The following PXMP2 variants were observed in gnomAD, a reference collection of about 807,000 sequenced individuals.
The protein encoded by PXMP2 is 22 kDa peroxisomal membrane protein.
Under a neutral mutation model 20.2 loss-of-function variants are expected in PXMP2, and 13 were observed. That is an observed-to-expected ratio of 0.64 (90% confidence interval 0.42 to 1.02). The LOEUF (loss-of-function observed/expected upper bound fraction) is 1.02, where lower values mean the gene tolerates loss of function less well. Among genes scored for constraint, PXMP2 ranks in the 50% least tolerant of loss-of-function variants. The pLI is 0.00. For missense variants in PXMP2, 284 were observed against 251.8 expected, an observed-to-expected ratio of 1.13 and a Z score of -0.87; for synonymous variants, 113 against 111.2, an observed-to-expected ratio of 1.02 and a Z score of -0.10.
At chr12:132,691,242 G>A (rs10870486) in intron 2 of PXMP2, among the ~76,000 whole-genome samples, 47,174 of 151,574 alleles carry the variant, frequency 0.31, 8,622 homozygotes, top group Non-Finnish European at 0.41. Context: ...TAGTAGAGAC[G>A]GGGTTTCACC....
Position 132,688,132 on chromosome 12 carries a change from G to A in PXMP2, c.122+340G>A, listed in dbSNP as rs1312658082. On this transcript the variant is annotated intron_variant, in intron 1 of 4. Transcript: ENST00000317479. ...GAGCGGGTCCGCAGGCGCGGGTGAA[G>A]ACAGGGCGAGGGGAGCGGGTCTGCG... is the stretch of plus-strand genomic sequence containing the variant. 3 of 190,948 alleles carry A rather than the reference G, an allele frequency of 1.6e-5. No individual in the cohort carries two copies. In the Admixed American group the frequency reaches 2.0e-4, roughly 13 times the overall value. The allele number at this position is 190,948 out of a possible 1,614,324, so 11.8% of individuals were successfully genotyped here. A position where few individuals can be genotyped will look rare whatever the true frequency, so the allele number is the denominator to read the frequency against.
At chr12:132,697,413 A>ATTTT (rs1555232408) in intron 3 of PXMP2, among the ~76,000 whole-genome samples, 24 of 149,882 alleles carry the variant, frequency 1.6e-4, no homozygotes, top group Non-Finnish European at 2.8e-4. Flanking sequence ...TTATTTATTT[A>ATTTT]TTTTTTATTT....
chr12:132,698,067 A>G (rs182200951), intron 3 of PXMP2, among the ~76,000 whole-genome samples: 1 of 144,792 alleles, frequency 6.9e-6, no homozygotes, highest in East Asian at 2.1e-4. Flanking sequence ...GCTGGAGTGT[A>G]GTGCGTGATC....
chr12:132,698,960 T>G (rs2043424525), intron 3 of PXMP2, among the ~76,000 whole-genome samples: 1 of 152,202 alleles, frequency 6.6e-6, no homozygotes, highest in Non-Finnish European at 1.5e-5. Flanking sequence ...CTTTAAAAAT[T>G]TTTTTTAGTT....
intron 1 of PXMP2, 94 bp downstream of exon 1, chr12:132,687,886 T>A: frequency 9.5e-7 from 1 of 1,056,742 alleles, no homozygotes; most frequent in Non-Finnish European, 1.2e-6. Context: ...GGGACCAGGC[T>A]GGGGGCGCGC....
At position 132,696,089 on chromosome 12, in the gene PXMP2, A is replaced by G. The variant is rs2043408895; in HGVS notation, c.399+43A>G. The stretch of plus-strand genomic sequence containing the variant: ...CACTTACTGCAGCTCTTCGTTTAGC[A>G]CAGGGATTCTTCACCTGACATTCTC... On this transcript the variant is annotated intron_variant, in intron 3 of 4. Coordinates refer to ENST00000317479, the MANE Select transcript of PXMP2 (RefSeq NM_018663.3). The surrounding 1 kb of genome is among the most constrained non-coding windows in gnomAD (Gnocchi z 4.4). 6 of 1,528,372 alleles carry G rather than the reference A, an allele frequency of 3.9e-6. No individual in the cohort carries two copies. The East Asian group carries it at 1.4e-4, about 35-fold the overall frequency. 94.7% of individuals were successfully genotyped at this position (1,528,372 alleles called of 1,614,324 possible). A position where few individuals can be genotyped will look rare whatever the true frequency, so the allele number is the denominator to read the frequency against.
At chr12:132,694,581 TAGTTAGTGAGCTCCCTTAGCC>T (rs1349050228) in intron 2 of PXMP2, among the ~76,000 whole-genome samples, 1 of 108,390 alleles carries the variant, frequency 9.2e-6, no homozygotes, top group African/African-American at 3.5e-5. Context: ...CCTTGCCAGT[TAGTTAGTGAGCTCCCTTAGCC>T]AGTTAGTGAG....
At chr12:132,692,508 TAGTG>T (rs2043375823) in intron 2 of PXMP2, among the ~76,000 whole-genome samples, 1 of 111,140 alleles carries the variant, frequency 9.0e-6, no homozygotes, top group South Asian at 3.0e-4. Flanking sequence ...GCCAGTTAGT[TAGTG>T]AGCTCCCTTG....
chr12:132,693,507 T>G (rs2043385744), intron 2 of PXMP2, among the ~76,000 whole-genome samples: 1 of 87,890 alleles, frequency 1.1e-5, no homozygotes. Context: ...CCCTTGCCAG[T>G]TAGTTAGTGA....
intron 3 of PXMP2, among the ~76,000 whole-genome samples, chr12:132,700,745 G>C (rs977355152): frequency 6.6e-5 from 10 of 152,040 alleles, no homozygotes; most frequent in African/African-American, 2.2e-4. Flanking sequence ...TCTTTGTCTT[G>C]GCGGACGTCC....
At position 132,692,105 on chromosome 12, in the gene PXMP2, TGCCAGTTAGTTAGTGAGCTCCCTTA is replaced by T. The variant is rs1348417516; in HGVS notation, c.236+1754_236+1778del. On this transcript the variant is annotated intron_variant, in intron 2 of 4. Coordinates refer to ENST00000317479, the MANE Select transcript of PXMP2 (RefSeq NM_018663.3). Reference sequence around the variant, plus strand: ...GAGCCAGTTAGTTAGTGAGCGCCCTTGCCAGTTAGTTAGTGAGCTCCCTTAGCCAGTTAGTTAGTGAGCTCCCTTG... The same window carrying T: ...GAGCCAGTTAGTTAGTGAGCGCCCTTGCCAGTTAGTTAGTGAGCTCCCTTG... 3.9e-3 allele frequency among the ~76,000 whole-genome samples: 566 copies of T among 144,270 alleles called. 2 individuals carry two copies. The highest frequency in any genetic ancestry group is 0.014 in the African/African-American group (541 of 38,758). The allele number at this position is 144,270 out of a possible 152,430, so 94.6% of individuals were successfully genotyped here. A position where few individuals can be genotyped will look rare whatever the true frequency, so the allele number is the denominator to read the frequency against.
chr12:132,697,802 C>T (rs1022935132), intron 3 of PXMP2, among the ~76,000 whole-genome samples: 44 of 152,254 alleles, frequency 2.9e-4, no homozygotes, highest in African/African-American at 1.1e-3. Flanking sequence ...GTTTGAGACC[C>T]CTACTGATAA....
At chr12:132,694,214 A>T (rs1385012620) in intron 2 of PXMP2, among the ~76,000 whole-genome samples, 3 of 108,220 alleles carry the variant, frequency 2.8e-5, no homozygotes, top group Admixed American at 2.6e-4. Flanking sequence ...CCAGTTAGTT[A>T]GTGAGCTCCC....
chr12:132,694,630 AGAGCTCCCTTGCCAGTTAGTTAGT>A (rs2043398406), intron 2 of PXMP2, among the ~76,000 whole-genome samples: 2 of 73,940 alleles, frequency 2.7e-5, no homozygotes, highest in African/African-American at 1.2e-4. Flanking sequence ...AGCTAGTTAG[AGAGCTCCCTTGCCAGTTAGTTAGT>A]GAGCTCCCTT....
intron 2 of PXMP2, 76 bp from the exon 3 acceptor site, chr12:132,695,808 T>G: frequency 2.1e-6 from 3 of 1,457,780 alleles, no homozygotes; most frequent in African/African-American, 1.4e-5. Flanking sequence ...GGACCTGGGA[T>G]TTGGGGGTGA....
chr12:132,687,679 G>C lies in PXMP2; in HGVS notation c.9G>C (p.Pro3=), dbSNP rs1225275531. ...ACGGCGCTGGGGAGGCGATGGCGCCGGCCGCGTCCAGGCTGCGGGCCGAAG... is the reference window on the plus strand; with the variant it reads ...ACGGCGCTGGGGAGGCGATGGCGCCCGCCGCGTCCAGGCTGCGGGCCGAAG... MA[P]AASRLRAEAG... Residue 3 remains proline, a synonymous_variant, in exon 1 of 5, where the codon CCG becomes CCC. Transcript: ENST00000317479. The C allele has an allele frequency of 1.7e-6, 2 of 1,175,310 alleles. No individual in the cohort carries two copies. The highest frequency in any genetic ancestry group is 2.1e-6 in the Non-Finnish European group (2 of 956,594). The allele number at this position is 1,175,310 out of a possible 1,614,324, so 72.8% of individuals were successfully genotyped here.
At chr12:132,694,769 T>C (rs112754827) in intron 2 of PXMP2, among the ~76,000 whole-genome samples, 52,038 of 113,364 alleles carry the variant, frequency 0.46, 13,732 homozygotes, top group Non-Finnish European at 0.54. Flanking sequence ...AGTTAGTGAG[T>C]GCCCTTGCCA....
In PXMP2 at chr12:132,696,150, A is replaced by C. The variant is rs2043409127; in HGVS notation, c.399+104A>C. 3 of 1,345,698 alleles carry C rather than the reference A, an allele frequency of 2.2e-6. No individual in the cohort carries two copies. Among genetic ancestry groups the C allele is most frequent in the Non-Finnish European group, 3.0e-6 (3 of 1,005,952 alleles). The allele number at this position is 1,345,698 out of a possible 1,614,324, so 83.4% of individuals were successfully genotyped here. On this transcript the variant is annotated intron_variant, in intron 3 of 4. Transcript: ENST00000317479. This position sits in a 1 kb window ranked among gnomAD's most constrained non-coding sequence, Gnocchi z 4.4. ...AGAGGGTCTGCAGATTTTTCACTCA[A>C]ATTGAAATTTTGCATTTTCTTTTAT...
chr12:132,699,409 C>T (rs1204929729), intron 3 of PXMP2, among the ~76,000 whole-genome samples: 5 of 151,660 alleles, frequency 3.3e-5, no homozygotes, highest in African/African-American at 9.7e-5. Flanking sequence ...AGTGAGATGG[C>T]GAGACCCTGT....
Sources: gnomAD v4.1 joint callset for allele counts (sites outside exome capture counted in the v4.1 genomes callset) on GRCh38, gnomAD v4.1.1 for gene constraint, Gnocchi (gnomAD v3.1) non-coding constraint, MANE v1.5 for transcripts, NCBI Gene and HGNC (gene_info 2026-07-23, HGNC 2026-07-21) for gene names.